Variants in DIAPH2 observed in about 807,000 individuals in gnomAD.
DIAPH2 encodes diaphanous related formin 2, also known as protein diaphanous homolog 2.
A neutral mutation model predicts 92.7 loss-of-function variants in DIAPH2; 35 were observed. The ratio of observed to expected loss-of-function variants is 0.38; its 90% CI spans 0.29 to 0.50. The LOEUF (loss-of-function observed/expected upper bound fraction) is 0.50, where lower values mean the gene tolerates loss of function less well. DIAPH2 is among the 20% of genes least tolerant of loss of function. The pLI is 0.94. For synonymous variants in DIAPH2, 301 were observed against 280.4 expected (o/e 1.07, Z -0.73); for missense variants, 701 against 819.5 (o/e 0.86, Z 1.77).
chrX:97,168,109 G>A (rs1278291212), intron 22 of DIAPH2, among the ~76,000 whole-genome samples: 1 of 104,065 alleles, frequency 9.6e-6, no homozygotes, highest in Non-Finnish European at 1.9e-5. Context: ...TTTTTTGATG[G>A]AATCTCACTC....
intron 21 of DIAPH2, among the ~76,000 whole-genome samples, chrX:97,127,962 C>T (rs188879485): frequency 1.8e-5 from 2 of 111,015 alleles, no homozygotes; most frequent in East Asian, 2.9e-4. Flanking sequence ...GAGCCAAGAT[C>T]GCGCCACTAC....
chrX:96,756,352 G>A (rs4969689), intron 3 of DIAPH2, among the ~76,000 whole-genome samples: 11,442 of 110,774 alleles, frequency 0.1, 534 homozygotes, highest in East Asian at 0.32. Context: ...GCCTATTTGG[G>A]ACATTTAATA....
chrX:97,066,743 T>C (rs1436752515), intron 17 of DIAPH2, among the ~76,000 whole-genome samples: 1 of 112,160 alleles, frequency 8.9e-6, no homozygotes, highest in African/African-American at 3.2e-5. Flanking sequence ...TTAGCAGTGT[T>C]CAGTAATTGG....
chrX:97,285,965 C>T (rs193198025), intron 23 of DIAPH2, among the ~76,000 whole-genome samples: 12 of 108,564 alleles, frequency 1.1e-4, no homozygotes, highest in Non-Finnish European at 1.9e-4. Flanking sequence ...AAATCTAGGC[C>T]GTTTCCATGA....
chrX:97,550,288 G>A (rs1486057688), intron 26 of DIAPH2, among the ~76,000 whole-genome samples: 3 of 112,272 alleles, frequency 2.7e-5, no homozygotes, highest in Non-Finnish European at 5.6e-5. Flanking sequence ...GAACCCAGGA[G>A]GCGGAGGTTA....
intron 4 of DIAPH2, among the ~76,000 whole-genome samples, chrX:96,788,909 T>C (rs2147635060): frequency 8.9e-6 from 1 of 112,586 alleles, no homozygotes; most frequent in East Asian, 2.8e-4. Flanking sequence ...CAAGTATTTG[T>C]CATTTTTAAA....
At chrX:97,057,614 A>T in intron 17 of DIAPH2, among the ~76,000 whole-genome samples, 1 of 111,880 alleles carries the variant, frequency 8.9e-6, no homozygotes, top group East Asian at 2.8e-4. Flanking sequence ...GTTTATTTCA[A>T]TCAGCTAATG....
At chrX:97,143,621 C>T (rs2067223229) in intron 22 of DIAPH2, among the ~76,000 whole-genome samples, 1 of 110,322 alleles carries the variant, frequency 9.1e-6, no homozygotes, top group African/African-American at 3.3e-5. Context: ...TAGGTATTTA[C>T]ATGTGATCCA....
intron 17 of DIAPH2, among the ~76,000 whole-genome samples, chrX:96,969,903 C>T (rs2065917130): frequency 9.0e-6 from 1 of 110,676 alleles, no homozygotes; most frequent in South Asian, 3.8e-4. Context: ...TTGAGGTGTA[C>T]CTAGTTTCTT....
At chrX:97,176,059 T>A (rs1039202465) in intron 22 of DIAPH2, among the ~76,000 whole-genome samples, 2 of 112,096 alleles carry the variant, frequency 1.8e-5, no homozygotes, top group Non-Finnish European at 3.8e-5. Context: ...GAATTGCCTG[T>A]GCTCCAAGAC....
At chrX:97,497,408 C>CTCTTCCCT (rs2070766462) in intron 26 of DIAPH2, among the ~76,000 whole-genome samples, 1 of 109,840 alleles carries the variant, frequency 9.1e-6, no homozygotes, top group Admixed American at 9.8e-5. Context: ...ACCTCCTCTT[C>CTCTTCCCT]TCTTCCCTGG....
chrX:97,280,232 T>C lies in DIAPH2; in HGVS notation c.2844+32393T>C, dbSNP rs762410814. Among the ~76,000 whole-genome samples, 66 of 110,554 alleles carry C rather than the reference T, an allele frequency of 6.0e-4. No homozygotes were observed. In the South Asian group the frequency reaches 9.4e-3, roughly 16 times the overall value. ...GCTCACGCCTGTAATCCTAGCACTT[T>C]GGGAGGCCGAGGTGGGTGGATCACG... On this transcript the variant is annotated intron_variant, in intron 23 of 26. Coordinates refer to ENST00000324765, the MANE Select transcript of DIAPH2 (RefSeq NM_006729.5).
chrX:96,803,621 T>TTA (rs1163203151), intron 4 of DIAPH2, among the ~76,000 whole-genome samples: 8 of 112,566 alleles, frequency 7.1e-5, no homozygotes, highest in African/African-American at 2.6e-4. Context: ...CATACTCTAT[T>TTA]AATAGCACTT....
At chrX:97,056,982 C>A (rs968796461) in intron 17 of DIAPH2, among the ~76,000 whole-genome samples, 5 of 111,497 alleles carry the variant, frequency 4.5e-5, no homozygotes, top group African/African-American at 1.6e-4. Flanking sequence ...AAAATGGGAT[C>A]CTATCTTGAA....
chrX:96,798,924 A>G (rs1015813727), intron 4 of DIAPH2, among the ~76,000 whole-genome samples: 1 of 111,140 alleles, frequency 9.0e-6, no homozygotes, highest in African/African-American at 3.3e-5. Flanking sequence ...TGTGATCTTC[A>G]GTGGGTATTT....
At chrX:97,298,912 C>T (rs780715634) in intron 23 of DIAPH2, among the ~76,000 whole-genome samples, 4 of 111,827 alleles carry the variant, frequency 3.6e-5, no homozygotes, top group Admixed American at 1.9e-4. Flanking sequence ...GCCACCGTGC[C>T]CAGCCTCTTA....
chrX:97,137,860 A>T (rs779278320), intron 21 of DIAPH2, among the ~76,000 whole-genome samples: 1 of 112,060 alleles, frequency 8.9e-6, no homozygotes, highest in East Asian at 2.8e-4. Flanking sequence ...AATGGACTCT[A>T]ATTACCATTG....
intron 25 of DIAPH2, among the ~76,000 whole-genome samples, chrX:97,397,348 T>G (rs890686863): frequency 2.1e-5 from 1 of 47,232 alleles, no homozygotes; most frequent in African/African-American, 6.8e-5. Flanking sequence ...GGAATCTACT[T>G]TAAATGTACT....
intron 20 of DIAPH2, among the ~76,000 whole-genome samples, chrX:97,112,765 C>CTTTTTTTTTTTTTTTTT (rs60721723): frequency 1.1e-4 from 4 of 37,247 alleles, no homozygotes; most frequent in African/African-American, 4.8e-4. Flanking sequence ...CCCTTTCTTT[C>CTTTTTTTTTTTTTTTTT]TTTTTTTTTT....
Sources: gnomAD v4.1 joint callset for allele counts (sites outside exome capture counted in the v4.1 genomes callset) on GRCh38, gnomAD v4.1.1 for gene constraint, MANE v1.5 for transcripts, NCBI Gene and HGNC (gene_info 2026-07-23, HGNC 2026-07-21) for gene names.